Variants in RALYL observed in about 807,000 individuals in gnomAD.
RALYL encodes the protein RNA-binding Raly-like protein.
A neutral mutation model predicts 35.1 loss-of-function variants in RALYL; 29 were observed. The observed-to-expected ratio is 0.83, with a 90% CI of 0.61 to 1.13. The LOEUF is 1.13. RALYL is among the 50% of genes most tolerant of loss of function. RALYL has a pLI of 0.00. For missense variants in RALYL, 359 were observed against 360.4 expected (o/e 1.00, Z 0.03); for synonymous variants, 120 against 127.6 (o/e 0.94, Z 0.40).
intron 2 of RALYL, among the ~76,000 whole-genome samples, chr8:84,617,683 G>A (rs1444487991): frequency 1.4e-4 from 21 of 150,088 alleles, no homozygotes; most frequent in African/African-American, 5.2e-4. Context: ...TTTTCAAAGG[G>A]AATGCTTCCA....
At chr8:84,378,682 T>G (rs1186215184) in intron 1 of RALYL, among the ~76,000 whole-genome samples, 1 of 151,826 alleles carries the variant, frequency 6.6e-6, no homozygotes, top group Non-Finnish European at 1.5e-5. Context: ...ATCATATGGT[T>G]TCCGCGAGAT....
chr8:84,340,084 A>T (rs1442677063), intron 1 of RALYL, among the ~76,000 whole-genome samples: 2 of 152,102 alleles, frequency 1.3e-5, no homozygotes, highest in African/African-American at 2.4e-5. Context: ...GCCTGCCATC[A>T]TGCAGGACAG....
intron 2 of RALYL, among the ~76,000 whole-genome samples, chr8:84,562,809 T>C (rs550870174): frequency 2.6e-5 from 4 of 151,918 alleles, no homozygotes; most frequent in African/African-American, 9.6e-5. Context: ...CTGTGCTAAT[T>C]AAAGTTAGGG....
intron 2 of RALYL, among the ~76,000 whole-genome samples, chr8:84,613,490 GTAAC>G (rs1307862986): frequency 6.6e-6 from 1 of 151,402 alleles, no homozygotes; most frequent in African/African-American, 2.4e-5. Flanking sequence ...CTCGCATGTG[GTAAC>G]TAACTGCATC....
chr8:84,427,544 A>T (rs987790968), intron 1 of RALYL, among the ~76,000 whole-genome samples: 7 of 151,208 alleles, frequency 4.6e-5, no homozygotes, highest in Admixed American at 2.0e-4. Context: ...GTATGCATTT[A>T]AAAAAAAACC....
intron 1 of RALYL, among the ~76,000 whole-genome samples, chr8:84,211,831 A>G (rs1819562600): frequency 6.6e-6 from 1 of 152,166 alleles, no homozygotes; most frequent in Non-Finnish European, 1.5e-5. Context: ...AACCCTAGGG[A>G]AAAATCTGTG....
chr8:84,246,176 A>C (rs1267837052), intron 1 of RALYL, among the ~76,000 whole-genome samples: 1 of 152,110 alleles, frequency 6.6e-6, no homozygotes, highest in Non-Finnish European at 1.5e-5. Flanking sequence ...GAGCTGACTT[A>C]GAGTGAGCTT....
chr8:84,714,660 G>A (rs755438417), intron 2 of RALYL, among the ~76,000 whole-genome samples: 14 of 151,858 alleles, frequency 9.2e-5, no homozygotes, highest in Non-Finnish European at 1.5e-4. Flanking sequence ...ACATCAGAAA[G>A]CAACTTTCTT....
chr8:84,650,908 C>T (rs62530168), intron 2 of RALYL, among the ~76,000 whole-genome samples: 9 of 152,088 alleles, frequency 5.9e-5, no homozygotes, highest in Admixed American at 2.0e-4. Flanking sequence ...ATGATGAGTT[C>T]GTGTCCTTTG....
intron 1 of RALYL, among the ~76,000 whole-genome samples, chr8:84,206,575 A>G (rs1258460888): frequency 6.6e-6 from 1 of 152,178 alleles, no homozygotes; most frequent in Non-Finnish European, 1.5e-5. Context: ...AGTGAGAGGT[A>G]TGAGGTGTCT....
intron 2 of RALYL, chr8:84,679,600 T>C (rs1427975974): frequency 2.2e-6 from 1 of 458,008 alleles, no homozygotes; most frequent in African/African-American, 2.0e-5. Context: ...TTATCTTCTT[T>C]GATGAAACTG....
intron 8 of RALYL, among the ~76,000 whole-genome samples, chr8:84,900,245 T>G (rs966725994): frequency 3.3e-5 from 5 of 152,004 alleles, no homozygotes; most frequent in Admixed American, 6.6e-5. Flanking sequence ...TATACAAAAA[T>G]AGGAAAAAAT....
intron 1 of RALYL, among the ~76,000 whole-genome samples, chr8:84,300,389 T>C (rs763464991): frequency 6.6e-6 from 1 of 152,062 alleles, no homozygotes; most frequent in Non-Finnish European, 1.5e-5. Flanking sequence ...ATGTGCCATT[T>C]ACAAATAATA....
intron 1 of RALYL, among the ~76,000 whole-genome samples, chr8:84,371,402 T>C (rs1420578424): frequency 6.6e-6 from 1 of 152,052 alleles, no homozygotes; most frequent in Non-Finnish European, 1.5e-5. Context: ...AACAAAAAAC[T>C]ACTTGGAACT....
rs535279946 is a variant in RALYL, at chr8:84,838,227, T to G, written c.366-11753T>G. Among the ~76,000 whole-genome samples the G allele has an allele frequency of 4.6e-5, 7 of 152,278 alleles. No individual in the cohort carries two copies. The East Asian group carries it at 1.3e-3, about 29-fold the overall frequency. On this transcript the variant is annotated intron_variant, in intron 4 of 8. Coordinates refer to ENST00000521268, the MANE Select transcript of RALYL (RefSeq NM_173848.7). ...AATATGACTCCTCACAATGCCATCT[T>G]TTGGTGGGTGATTTCAAATAGAGGT... is the stretch of plus-strand genomic sequence containing the variant.
At chr8:84,800,549 G>T (rs1167184483) in intron 3 of RALYL, among the ~76,000 whole-genome samples, 1 of 151,978 alleles carries the variant, frequency 6.6e-6, no homozygotes, top group Non-Finnish European at 1.5e-5. Flanking sequence ...GCTGTCGTTT[G>T]TTTATCTTAT....
intron 3 of RALYL, among the ~76,000 whole-genome samples, chr8:84,799,931 G>T (rs1016273690): frequency 6.6e-6 from 1 of 152,178 alleles, no homozygotes; most frequent in Non-Finnish European, 1.5e-5. Context: ...ACTCCAGCCT[G>T]CCTGGGCAAC....
chr8:84,440,380 A>G (rs1016977079), intron 1 of RALYL, among the ~76,000 whole-genome samples: 6 of 152,096 alleles, frequency 3.9e-5, no homozygotes, highest in Non-Finnish European at 5.9e-5. Flanking sequence ...TCAAATTGTG[A>G]CTTTTTAAAA....
chr8:84,504,766 A>T (rs1192753278), intron 1 of RALYL, among the ~76,000 whole-genome samples: 1 of 152,136 alleles, frequency 6.6e-6, no homozygotes, highest in East Asian at 1.9e-4. Context: ...GAGTGTTGAG[A>T]CACACAGATG....
Sources: allele counts gnomAD v4.1 joint callset (sites outside exome capture counted in the v4.1 genomes callset), GRCh38; gene constraint gnomAD v4.1.1; transcripts MANE v1.5; gene names NCBI Gene and HGNC (gene_info 2026-07-23, HGNC 2026-07-21).